Variants in NPAS3 observed in about 807,000 individuals in gnomAD.
NPAS3 encodes neuronal PAS domain protein 3.
Under a neutral mutation model 73.1 loss-of-function variants are expected in NPAS3, and 14 were observed. That is an observed-to-expected ratio of 0.19 (90% CI 0.13 to 0.30). The LOEUF is 0.30. Ranked by LOEUF, NPAS3 falls within the 10% of genes least tolerant of loss-of-function variation. The probability of loss-of-function intolerance (pLI) is 1.00; values close to 1 mark genes in which losing one functional copy is unlikely to be tolerated. For synonymous variants in NPAS3, 620 were observed against 541.5 expected (o/e 1.14, Z -2.01); for missense variants, 1,096 against 1,250.0 (o/e 0.88, Z 1.86).
At chr14:33,660,925 G>C (rs1177527453) in intron 5 of NPAS3, among the ~76,000 whole-genome samples, 1 of 152,146 alleles carries the variant, frequency 6.6e-6, no homozygotes, top group African/African-American at 2.4e-5. Context: ...TGTAATACTT[G>C]TGTTTCTTCA....
chr14:33,442,589 T>G (rs192963892), intron 4 of NPAS3, among the ~76,000 whole-genome samples: 59 of 152,328 alleles, frequency 3.9e-4, no homozygotes, highest in Admixed American at 3.9e-3. Context: ...TGAGATCTGA[T>G]GCTTTTGTAA....
chr14:33,137,190 TAATTG>T (rs1296663648), intron 2 of NPAS3, among the ~76,000 whole-genome samples: 1 of 152,198 alleles, frequency 6.6e-6, no homozygotes, highest in Non-Finnish European at 1.5e-5. Context: ...ATAAGAAACA[TAATTG>T]AATTAACATG....
chr14:32,977,356 G>GCACGCACACACACACACACA (rs71432100), intron 1 of NPAS3, among the ~76,000 whole-genome samples: 1,836 of 141,518 alleles, frequency 0.013, 18 homozygotes, highest in South Asian at 0.024. Flanking sequence ...TCTCTGACAC[G>GCACGCACACACACACACACA]CACACACACA....
At chr14:33,278,529 C>T (rs1018289559) in intron 3 of NPAS3, among the ~76,000 whole-genome samples, 4 of 148,548 alleles carry the variant, frequency 2.7e-5, no homozygotes, top group African/African-American at 7.5e-5. Context: ...ATCTCAAGAA[C>T]GATAAGGGGA....
intron 6 of NPAS3, among the ~76,000 whole-genome samples, chr14:33,711,470 T>C (rs899271096): frequency 6.6e-6 from 1 of 152,114 alleles, no homozygotes; most frequent in African/African-American, 2.4e-5. Context: ...CAAATAAACG[T>C]AGATAGAATG....
At chr14:33,370,687 G>A (rs1196880780) in intron 4 of NPAS3, among the ~76,000 whole-genome samples, 2 of 152,142 alleles carry the variant, frequency 1.3e-5, no homozygotes, top group African/African-American at 4.8e-5. Flanking sequence ...TGTTACCAGA[G>A]TTCAAGAAAA....
chr14:33,448,080 G>A (rs1014295806), intron 4 of NPAS3, among the ~76,000 whole-genome samples: 2 of 152,178 alleles, frequency 1.3e-5, no homozygotes, highest in African/African-American at 4.8e-5. Flanking sequence ...AATTATGTAG[G>A]AGGAGGGATG....
At chr14:33,769,178 G>A (rs933696938) in intron 7 of NPAS3, among the ~76,000 whole-genome samples, 1 of 152,122 alleles carries the variant, frequency 6.6e-6, no homozygotes, top group Non-Finnish European at 1.5e-5. Context: ...TTTCTCCTTT[G>A]GCAATTCTAT....
intron 3 of NPAS3, among the ~76,000 whole-genome samples, chr14:33,267,179 C>G (rs974851637): frequency 2.0e-5 from 3 of 152,032 alleles, no homozygotes; most frequent in African/African-American, 7.2e-5. Flanking sequence ...AATTTTAAGA[C>G]TTTGGGGAAG....
At chr14:33,204,219 TTC>T (rs1189902766) in intron 2 of NPAS3, among the ~76,000 whole-genome samples, 1 of 152,178 alleles carries the variant, frequency 6.6e-6, no homozygotes, top group African/African-American at 2.4e-5. Context: ...CTTTAAACGT[TTC>T]TGTGTGAAAT....
intron 6 of NPAS3, among the ~76,000 whole-genome samples, chr14:33,733,361 C>T (rs751758267): frequency 1.7e-4 from 25 of 150,696 alleles, no homozygotes; most frequent in South Asian, 4.2e-4. Context: ...GCATCCCTTA[C>T]GAGAAAAAAT....
At chr14:32,973,391 A>G (rs2037518269) in intron 1 of NPAS3, among the ~76,000 whole-genome samples, 1 of 152,210 alleles carries the variant, frequency 6.6e-6, no homozygotes, top group Admixed American at 6.5e-5. Context: ...GGCTGATCAG[A>G]CACCTAACTA....
At chr14:32,967,481 G>T (rs998695594) in intron 1 of NPAS3, among the ~76,000 whole-genome samples, 3 of 152,010 alleles carry the variant, frequency 2.0e-5, no homozygotes, top group Admixed American at 6.6e-5. Flanking sequence ...ACTGTATAAA[G>T]AACTCAACTC....
intron 2 of NPAS3, chr14:33,214,895 A>T: frequency 2.6e-6 from 1 of 390,550 alleles, no homozygotes; most frequent in Non-Finnish European, 4.7e-6. Context: ...GTTAGGTCTT[A>T]GAAACAATAA....
intron 7 of NPAS3, among the ~76,000 whole-genome samples, chr14:33,752,625 A>T (rs1306932235): frequency 6.6e-6 from 1 of 152,196 alleles, no homozygotes; most frequent in Admixed American, 6.5e-5. Context: ...AAATTTTGAT[A>T]CGGTTGTAAG....
At chr14:33,771,741 G>A (rs1044045475) in intron 7 of NPAS3, among the ~76,000 whole-genome samples, 6 of 151,974 alleles carry the variant, frequency 3.9e-5, no homozygotes, top group Non-Finnish European at 7.4e-5. Context: ...AACCTGGGAC[G>A]CAGAGCTTGC....
At chr14:33,655,072 T>C (rs1397476554) in intron 5 of NPAS3, among the ~76,000 whole-genome samples, 1 of 152,210 alleles carries the variant, frequency 6.6e-6, no homozygotes. Flanking sequence ...ATGAGGAAGA[T>C]AAAGTTCAAA....
rs886723718 is a variant in NPAS3, at chr14:33,797,330, T to C, written c.1302-127T>C. 3 of 1,033,210 alleles carry C rather than the reference T, an allele frequency of 2.9e-6. No homozygotes were observed. In the African/African-American group the frequency reaches 4.8e-5, roughly 17 times the overall value. The allele number at this position is 1,033,210 out of a possible 1,614,324, so 64.0% of individuals were successfully genotyped here. Reference sequence around the variant, plus strand: ...ATCCCATGAAGAGCTGAGAAATGATTTCATGTTTAGTCTTTGAAACTTTCT... The same window carrying C: ...ATCCCATGAAGAGCTGAGAAATGATCTCATGTTTAGTCTTTGAAACTTTCT... On this transcript the variant is annotated intron_variant, in intron 10 of 11. Transcript: ENST00000356141.
At chr14:33,116,947 T>C (rs1473253742) in intron 2 of NPAS3, among the ~76,000 whole-genome samples, 3 of 152,114 alleles carry the variant, frequency 2.0e-5, no homozygotes, top group Non-Finnish European at 4.4e-5. Flanking sequence ...TTAATAAATA[T>C]TGATTTTTAG....
Sources: allele counts gnomAD v4.1 joint callset (sites outside exome capture counted in the v4.1 genomes callset), GRCh38; gene constraint gnomAD v4.1.1; transcripts MANE v1.5; gene names NCBI Gene and HGNC (gene_info 2026-07-23, HGNC 2026-07-21).